Variants in KLHL36 observed in about 807,000 individuals in gnomAD.
KLHL36 encodes the protein kelch like family member 36, also known as kelch-like protein 36.
Under a neutral mutation model 53.3 loss-of-function variants are expected in KLHL36, and 35 were observed. The ratio of observed to expected loss-of-function variants is 0.66; its 90% CI spans 0.50 to 0.87. The LOEUF (loss-of-function observed/expected upper bound fraction) is 0.87, where lower values mean the gene tolerates loss of function less well. Ranked by LOEUF, KLHL36 falls within the 40% of genes least tolerant of loss-of-function variation. KLHL36 has a pLI of 0.00. For synonymous variants in KLHL36, 472 were observed against 398.9 expected (o/e 1.18, Z -2.18); for missense variants, 864 against 897.6 (o/e 0.96, Z 0.48).
At chr16:84,660,467 G>T (rs908663153) in intron 4 of KLHL36, among the ~76,000 whole-genome samples, 1 of 152,098 alleles carries the variant, frequency 6.6e-6, no homozygotes, top group Non-Finnish European at 1.5e-5. Context: ...TGCATGTATC[G>T]AGCATTTATT....
At chr16:84,653,952 C>T (rs2150720907) in intron 2 of KLHL36, among the ~76,000 whole-genome samples, 1 of 152,118 alleles carries the variant, frequency 6.6e-6, no homozygotes, top group East Asian at 1.9e-4. Context: ...CCGGGTACAG[C>T]ATCACTCCAG....
chr16:84,662,449 A>C lies in KLHL36; in HGVS notation c.*316A>C. 1 of 220,334 alleles carries C rather than the reference A, an allele frequency of 4.5e-6. No individual in the cohort carries two copies. Among genetic ancestry groups the C allele is most frequent in the Non-Finnish European group, 9.1e-6 (1 of 110,290 alleles). The allele number at this position is 220,334 out of a possible 1,614,324, so 13.6% of individuals were successfully genotyped here. On this transcript the variant is annotated 3_prime_UTR_variant, in exon 5 of 5. Transcript: ENST00000564996. ...TGAGAGTAGCTGGCACGTGGGTAAC[A>C]CAGAAATTTCTGTAGTGAAGCTTGG...
intron 2 of KLHL36, among the ~76,000 whole-genome samples, chr16:84,651,934 T>C (rs984187287): frequency 1.3e-5 from 2 of 151,696 alleles, no homozygotes; most frequent in South Asian, 2.1e-4. Flanking sequence ...GCCTATAGAG[T>C]TGAGAAAAAG....
At chr16:84,660,202 T>G (rs1907467114) in intron 4 of KLHL36, among the ~76,000 whole-genome samples, 1 of 152,132 alleles carries the variant, frequency 6.6e-6, no homozygotes, top group Admixed American at 6.6e-5. Flanking sequence ...AGGCCTGACC[T>G]GAGGATCTCC....
At chr16:84,650,990 G>C (rs1906841456) in intron 2 of KLHL36, 60 bp downstream of exon 2, 1 of 1,356,936 alleles carries the variant, frequency 7.4e-7, no homozygotes, top group Admixed American at 2.1e-5. Context: ...TCCTTTTTCT[G>C]ATTCACTCAT....
Position 84,662,227 on chromosome 16 carries a change from C to T in KLHL36, c.*94C>T. Reference sequence around the variant, plus strand: ...CTTAGTATTCCGGAAACATTATGTACAACTTAGCAGCTTTTTTTACTTTTA... The same window carrying T: ...CTTAGTATTCCGGAAACATTATGTATAACTTAGCAGCTTTTTTTACTTTTA... On this transcript the variant is annotated 3_prime_UTR_variant, in exon 5 of 5. Coordinates refer to ENST00000564996, the MANE Select transcript of KLHL36 (RefSeq NM_024731.4). The T allele has an allele frequency of 8.8e-7, 1 of 1,133,270 alleles. No homozygotes were observed. Among genetic ancestry groups the T allele is most frequent in the Non-Finnish European group, 1.2e-6 (1 of 824,198 alleles). The allele number at this position is 1,133,270 out of a possible 1,614,324, so 70.2% of individuals were successfully genotyped here.
chr16:84,657,589 C>T lies in KLHL36; in HGVS notation c.782C>T (p.Ala261Val), dbSNP rs138164943. ...GTGTGCTCGCTGCTGCCCAAGGAGG[C>T]CAACTGCGAGGGCTTCATCGAGGAG... ...PAVCSLLPKE[A>V]NCEGFIEEAV... The change falls in exon 3 of 5, where the codon GCC (alanine) becomes GTC (valine). Residue 261 changes from alanine (A) to valine (V), a missense_variant. Transcript: ENST00000564996. 801 of 1,611,110 alleles carry T rather than the reference C, an allele frequency of 5.0e-4. No homozygotes were observed. The highest frequency in any genetic ancestry group is 1.6e-3 in the Middle Eastern group (10 of 6,062).
chr16:84,650,891 G>C lies in KLHL36; in HGVS notation c.24G>C (p.Thr8=). 6.2e-7 allele frequency: 1 copy of C among 1,611,666 alleles called. No homozygotes were observed. The highest frequency in any genetic ancestry group is 8.5e-7 in the Non-Finnish European group (1 of 1,179,476). Residue 8 remains threonine (T), a synonymous_variant, in exon 2 of 5, where the codon ACG becomes ACC. Coordinates refer to ENST00000564996, the MANE Select transcript of KLHL36 (RefSeq NM_024731.4). ...TAATGATGGAGGGAAGCAGGCAGACGCGAGTGTCTCGGCCATACAAGATCA... is the reference window on the plus strand; with the variant it reads ...TAATGATGGAGGGAAGCAGGCAGACCCGAGTGTCTCGGCCATACAAGATCA... MMEGSRQ[T]RVSRPYKISE...
chr16:84,653,841 A>C (rs1477559962), intron 2 of KLHL36, among the ~76,000 whole-genome samples: 2 of 18,166 alleles, frequency 1.1e-4, no homozygotes, highest in Non-Finnish European at 2.3e-4. Flanking sequence ...CTCTGTATCC[A>C]AAAAAAAAAA....
intron 2 of KLHL36, among the ~76,000 whole-genome samples, chr16:84,654,998 A>T (rs1021992307): frequency 2.6e-5 from 4 of 152,196 alleles, no homozygotes; most frequent in African/African-American, 7.2e-5. Flanking sequence ...TCTAAAAATG[A>T]GAAAAAATTT....
intron 2 of KLHL36, among the ~76,000 whole-genome samples, chr16:84,655,901 T>G (rs1032547439): frequency 6.6e-6 from 1 of 151,658 alleles, no homozygotes; most frequent in African/African-American, 2.4e-5. Context: ...TTCATTTATT[T>G]ATTTATTTAG....
In KLHL36 at chr16:84,657,218, G is replaced by C; in HGVS notation, c.411G>C (p.Glu137Asp). ...QIWTVVDFCC[E>D]YLEQEVSEDN... ...GGACGGTGGTAGACTTCTGCTGTGA[G>C]TACCTGGAGCAGGAGGTGAGCGAGG... Residue 137 changes from glutamate to aspartate, a missense_variant, in exon 3 of 5, where the codon GAG becomes GAC. Coordinates refer to ENST00000564996, the MANE Select transcript of KLHL36 (RefSeq NM_024731.4). The C allele has an allele frequency of 6.2e-7, 1 of 1,614,220 alleles. No homozygotes were observed. The highest frequency in any genetic ancestry group is 8.5e-7 in the Non-Finnish European group (1 of 1,180,046).
rs1017077359 is a variant in KLHL36 at position 84,663,727 on chromosome 16, G to A, written c.*1594G>A. 6.6e-6 allele frequency: 1 copy of A among 152,260 alleles called. No homozygotes were observed. Among genetic ancestry groups the A allele is most frequent in the Non-Finnish European group, 1.5e-5 (1 of 68,060 alleles). The allele number at this position is 152,260 out of a possible 1,614,324, so 9.4% of individuals were successfully genotyped here. A position where few individuals can be genotyped will look rare whatever the true frequency, so the allele number is the denominator to read the frequency against. Reference sequence around the variant, plus strand: ...ATATTAGACTAGGAAAAAAATCTTAGTTAACTTTAATTTCCATTTCTTCTG... The same window carrying A: ...ATATTAGACTAGGAAAAAAATCTTAATTAACTTTAATTTCCATTTCTTCTG... On this transcript the variant is annotated 3_prime_UTR_variant, in exon 5 of 5. Coordinates refer to ENST00000564996, the MANE Select transcript of KLHL36 (RefSeq NM_024731.4).
chr16:84,654,343 A>G (rs192639009), intron 2 of KLHL36, among the ~76,000 whole-genome samples: 203 of 152,294 alleles, frequency 1.3e-3, no homozygotes, highest in Non-Finnish European at 2.4e-3. Context: ...AGCACTGACC[A>G]TTCCTGCATA....
chr16:84,665,793 C>T lies in KLHL36; in HGVS notation c.*3660C>T, dbSNP rs1907803838. 6.6e-6 allele frequency: 1 copy of T among 152,326 alleles called. No individual in the cohort carries two copies. Among genetic ancestry groups the T allele is most frequent in the Non-Finnish European group, 1.5e-5 (1 of 68,140 alleles). The allele number at this position is 152,326 out of a possible 1,614,324, so 9.4% of individuals were successfully genotyped here. ...CACCTGTGGTTCAGTGTACCTCGGC[C>T]CCTAAGCCAAGTGATCGTTCAGTGA... On this transcript the variant is annotated 3_prime_UTR_variant, in exon 5 of 5. Coordinates refer to ENST00000564996, the MANE Select transcript of KLHL36 (RefSeq NM_024731.4).
chr16:84,653,767 G>A (rs1907039343), intron 2 of KLHL36, among the ~76,000 whole-genome samples: 1 of 151,088 alleles, frequency 6.6e-6, no homozygotes, highest in Admixed American at 6.6e-5. Context: ...CTGAACCTGG[G>A]AGGCGGAGGT....
Position 84,663,239 on chromosome 16 carries a change from C to G in KLHL36, c.*1106C>G, listed in dbSNP as rs1000180647. ...ATTCTCGAACAAGTCCGTGTGTTCC[C>G]TCATCCACCCCGCTTAGCCACAGGA... On this transcript the variant is annotated 3_prime_UTR_variant, in exon 5 of 5. Transcript: ENST00000564996. 2 of 152,248 alleles carry G rather than the reference C, an allele frequency of 1.3e-5. No homozygotes were observed. The highest frequency in any genetic ancestry group is 4.8e-5 in the African/African-American group (2 of 41,450). 9.4% of individuals were successfully genotyped at this position (152,248 alleles called of 1,614,324 possible). A position where few individuals can be genotyped will look rare whatever the true frequency, so the allele number is the denominator to read the frequency against.
chr16:84,664,273 A>G lies in KLHL36; in HGVS notation c.*2140A>G, dbSNP rs1907718745. ...TGTTCTCCCCATCTCAGCCTGGGTC[A>G]TGAACAAACGGGCAGTTGTTTGGCC... On this transcript the variant is annotated 3_prime_UTR_variant, in exon 5 of 5. Transcript: ENST00000564996. The G allele has an allele frequency of 6.6e-6, 1 of 152,220 alleles. No homozygotes were observed. The highest frequency in any genetic ancestry group is 2.4e-5 in the African/African-American group (1 of 41,448). The allele number at this position is 152,220 out of a possible 1,614,324, so 9.4% of individuals were successfully genotyped here.
At position 84,656,957 on chromosome 16, in the gene KLHL36, G is replaced by A. The variant is rs946715056; in HGVS notation, c.150G>A (p.Leu50=). ...GCGGGCTCTTCTGCGACGTCGTCCT[G>A]GTGGCCGATGAGCAGCGTGTGCCAG... The part of the protein sequence containing the change: ...RLRGLFCDVV[L]VADEQRVPAH... Residue 50 remains leucine, a synonymous_variant, in exon 3 of 5, where the codon CTG becomes CTA. Coordinates refer to ENST00000564996, the MANE Select transcript of KLHL36 (RefSeq NM_024731.4). The A allele has an allele frequency of 6.2e-7, 1 of 1,613,824 alleles. No individual in the cohort carries two copies. Among genetic ancestry groups the A allele is most frequent in the Non-Finnish European group, 8.5e-7 (1 of 1,180,034 alleles).
Sources: gnomAD v4.1 joint callset for allele counts (sites outside exome capture counted in the v4.1 genomes callset) on GRCh38, gnomAD v4.1.1 for gene constraint, MANE v1.5 for transcripts, NCBI Gene and HGNC (gene_info 2026-07-23, HGNC 2026-07-21) for gene names.